The following PRIMA1 variants were observed in gnomAD, a reference collection of about 807,000 sequenced individuals.
PRIMA1 encodes proline-rich membrane anchor 1.
In PRIMA1, 7 loss-of-function variants were observed where a neutral mutation model predicts 17.5. The ratio of observed to expected loss-of-function variants is 0.40; its 90% CI spans 0.23 to 0.75. The LOEUF is 0.75. PRIMA1 is among the 30% of genes least tolerant of loss of function. PRIMA1 has a pLI of 0.37. For synonymous variants in PRIMA1, 97 were observed against 77.9 expected, an observed-to-expected ratio of 1.25 and a Z score of -1.29; for missense variants, 200 against 201.8, an observed-to-expected ratio of 0.99 and a Z score of 0.05.
chr14:93,736,062 T>C (rs2076148216), intron 4 of PRIMA1, among the ~76,000 whole-genome samples: 1 of 152,212 alleles, frequency 6.6e-6, no homozygotes, highest in Non-Finnish European at 1.5e-5. Context: ...TCTGTCTGTA[T>C]GTCCTTCTGG....
At chr14:93,770,424 C>T (rs1300042848) in intron 3 of PRIMA1, among the ~76,000 whole-genome samples, 1 of 152,216 alleles carries the variant, frequency 6.6e-6, no homozygotes, top group African/African-American at 2.4e-5. Context: ...AGTCTTCCCT[C>T]GTAGCAGGCA....
intron 3 of PRIMA1, among the ~76,000 whole-genome samples, chr14:93,770,568 C>T (rs1885030195): frequency 6.6e-6 from 1 of 152,222 alleles, no homozygotes; most frequent in East Asian, 1.9e-4. Flanking sequence ...CAGCTCTCAG[C>T]TTAAATGGCA....
At chr14:93,768,740 G>A (rs1331397026) in intron 3 of PRIMA1, among the ~76,000 whole-genome samples, 1 of 151,828 alleles carries the variant, frequency 6.6e-6, no homozygotes, top group African/African-American at 2.4e-5. Context: ...ACAGAAGACT[G>A]AAACAATTCC....
intron 3 of PRIMA1, among the ~76,000 whole-genome samples, chr14:93,740,268 T>A (rs1191802238): frequency 6.6e-6 from 1 of 151,904 alleles, no homozygotes; most frequent in Non-Finnish European, 1.5e-5. Context: ...ATTCTCATTT[T>A]CCCCATGATG....
At chr14:93,743,915 G>A (rs955120827) in intron 3 of PRIMA1, among the ~76,000 whole-genome samples, 14 of 152,346 alleles carry the variant, frequency 9.2e-5, no homozygotes, top group Admixed American at 6.5e-4. Context: ...GGGGCGGGAC[G>A]CTGAAAAGCA....
chr14:93,787,243 A>G (rs751533294), intron 2 of PRIMA1, among the ~76,000 whole-genome samples: 40 of 152,234 alleles, frequency 2.6e-4, no homozygotes, highest in African/African-American at 9.2e-4. Flanking sequence ...AAACCAGTTT[A>G]AGAAAGCTAA....
At chr14:93,750,011 T>C (rs1037628557) in intron 3 of PRIMA1, among the ~76,000 whole-genome samples, 14 of 152,142 alleles carry the variant, frequency 9.2e-5, no homozygotes, top group Non-Finnish European at 1.9e-4. Context: ...TGAAACCCTA[T>C]CTCTACTAAA....
intron 4 of PRIMA1, among the ~76,000 whole-genome samples, chr14:93,728,286 A>G (rs2141153613): frequency 6.6e-6 from 1 of 152,326 alleles, no homozygotes; most frequent in South Asian, 2.1e-4. Context: ...AACAGACTGC[A>G]GCAAATTAAG....
intron 3 of PRIMA1, among the ~76,000 whole-genome samples, chr14:93,765,521 A>G (rs1346056314): frequency 6.6e-6 from 1 of 151,076 alleles, no homozygotes; most frequent in Non-Finnish European, 1.5e-5. Context: ...TAAGCACTGA[A>G]CATATTATTC....
intron 3 of PRIMA1, among the ~76,000 whole-genome samples, chr14:93,744,004 A>AC (rs1427889682): frequency 2.6e-5 from 4 of 152,176 alleles, no homozygotes; most frequent in Non-Finnish European, 4.4e-5. Flanking sequence ...TCTCACAAGG[A>AC]CAGTGTGGGG....
intron 3 of PRIMA1, among the ~76,000 whole-genome samples, chr14:93,765,207 C>T (rs139317434): frequency 1.5e-3 from 228 of 152,016 alleles, no homozygotes; most frequent in Non-Finnish European, 2.8e-3. Context: ...CAGGCTCTTA[C>T]AAAATGTAAG....
chr14:93,734,392 C>T (rs1056320704), intron 4 of PRIMA1, among the ~76,000 whole-genome samples: 1 of 152,200 alleles, frequency 6.6e-6, no homozygotes, highest in Non-Finnish European at 1.5e-5. Flanking sequence ...AATTCTTCCC[C>T]CTTCCTGCCT....
At chr14:93,785,866 A>G (rs572854856) in intron 2 of PRIMA1, among the ~76,000 whole-genome samples, 2 of 151,850 alleles carry the variant, frequency 1.3e-5, no homozygotes, top group East Asian at 1.9e-4. Context: ...ACACCCGCAC[A>G]CACACACACC....
chr14:93,757,215 G>A (rs1023036965), intron 3 of PRIMA1, among the ~76,000 whole-genome samples: 7 of 152,136 alleles, frequency 4.6e-5, no homozygotes, highest in Admixed American at 3.9e-4. Flanking sequence ...AGGAAGGAAG[G>A]AAGGAAGGAA....
At chr14:93,752,018 C>T (rs1175367402) in intron 3 of PRIMA1, among the ~76,000 whole-genome samples, 1 of 152,132 alleles carries the variant, frequency 6.6e-6, no homozygotes, top group East Asian at 1.9e-4. Flanking sequence ...TAGATCATTT[C>T]CACCATCGCA....
chr14:93,747,949 ATGAG>A (rs1170392385), intron 3 of PRIMA1, among the ~76,000 whole-genome samples: 1 of 115,560 alleles, frequency 8.7e-6, no homozygotes, highest in African/African-American at 3.2e-5. Context: ...GTGTGTGTGT[ATGAG>A]TGTGTGTGTA....
At position 93,744,891 on chromosome 14, in the gene PRIMA1, T is replaced by G. The variant is rs1595200997; in HGVS notation, c.230-7521A>C. Among the ~76,000 whole-genome samples, 3 of 152,248 alleles carry G rather than the reference T, an allele frequency of 2.0e-5. No homozygotes were observed. In the Middle Eastern group the frequency reaches 0.01, roughly 518 times the overall value. ...TAGCCTCCCTGGGGCACAGAGCTCCTGGGGGTGCCTCAGTGGCCTGCCTTT... is the reference window on the plus strand; with the variant it reads ...TAGCCTCCCTGGGGCACAGAGCTCCGGGGGGTGCCTCAGTGGCCTGCCTTT... On this transcript the variant is annotated intron_variant, in intron 3 of 4. Transcript: ENST00000393140.
chr14:93,757,294 G>T (rs1396125386), intron 3 of PRIMA1, among the ~76,000 whole-genome samples: 1 of 152,128 alleles, frequency 6.6e-6, no homozygotes. Context: ...CCGCACTTGA[G>T]AACCATCAGC....
intron 3 of PRIMA1, among the ~76,000 whole-genome samples, chr14:93,743,592 C>T (rs1026595386): frequency 2.6e-5 from 4 of 152,252 alleles, no homozygotes; most frequent in South Asian, 2.1e-4. Flanking sequence ...GAGCCGATGT[C>T]GGTGAATGTG....
Sources: allele counts gnomAD v4.1 joint callset (sites outside exome capture counted in the v4.1 genomes callset), GRCh38; gene constraint gnomAD v4.1.1; transcripts MANE v1.5; gene names NCBI Gene and HGNC (gene_info 2026-07-23, HGNC 2026-07-21).